GRK3: variants seen among roughly 807,000 people sequenced by gnomAD.
GRK3 encodes G protein-coupled receptor kinase 3, also known as adrenergic, beta, receptor kinase 2.
GRK3 carries 54 observed loss-of-function variants against 95.7 expected under a neutral mutation model. The ratio of observed to expected loss-of-function variants is 0.56; its 90% CI spans 0.45 to 0.71. The LOEUF is 0.71. GRK3 is among the 30% of genes least tolerant of loss of function. The probability of loss-of-function intolerance (pLI) is 0.00; values close to 1 mark genes in which losing one functional copy is unlikely to be tolerated. For synonymous variants in GRK3, 281 were observed against 290.8 expected (o/e 0.97, Z 0.34); for missense variants, 649 against 851.2 (o/e 0.76, Z 2.96).
At chr22:25,652,636 C>T (rs1402793140) in intron 3 of GRK3, among the ~76,000 whole-genome samples, 2 of 151,984 alleles carry the variant, frequency 1.3e-5, no homozygotes, top group African/African-American at 2.4e-5. Flanking sequence ...GGATTGTAAT[C>T]AGTCAGGGAT....
At chr22:25,704,261 G>C in intron 15 of GRK3, 52 bp downstream of exon 15, 4 of 1,344,368 alleles carry the variant, frequency 3.0e-6, no homozygotes, top group Non-Finnish European at 4.2e-6. Flanking sequence ...GCAAAATAGT[G>C]ATTTTAAATA....
chr22:25,721,356 T>C lies in GRK3; in HGVS notation c.1864T>C (p.Phe622Leu). The C allele has an allele frequency of 1.2e-6, 2 of 1,605,998 alleles. No homozygotes were observed. The highest frequency in any genetic ancestry group is 8.5e-7 in the Non-Finnish European group (1 of 1,175,200). The change falls in exon 20 of 21, where the codon TTC (phenylalanine) becomes CTC (leucine). Residue 622 changes from phenylalanine (F) to leucine (L), a missense_variant. Coordinates refer to ENST00000324198, the MANE Select transcript of GRK3 (RefSeq NM_005160.4). The stretch of plus-strand genomic sequence containing the variant: ...AATTAAAGACAAAAAATGCATTTTG[T>C]TCAGAATAAAAGGAGGGAAACAATT... ...TQIKDKKCIL[F>L]RIKGGKQFVL...
chr22:25,609,465 G>A (rs1018790132), intron 2 of GRK3, among the ~76,000 whole-genome samples: 2 of 151,952 alleles, frequency 1.3e-5, no homozygotes, highest in Non-Finnish European at 2.9e-5. Flanking sequence ...CCAAGTAGCT[G>A]GGATTACAGT....
intron 1 of GRK3, among the ~76,000 whole-genome samples, chr22:25,582,495 A>G (rs2146319965): frequency 6.6e-6 from 1 of 152,356 alleles, no homozygotes; most frequent in East Asian, 1.9e-4. Context: ...AATTCAAATG[A>G]GAATCATTCC....
At chr22:25,716,055 C>T (rs2085381938) in intron 18 of GRK3, among the ~76,000 whole-genome samples, 1 of 152,110 alleles carries the variant, frequency 6.6e-6, no homozygotes, top group Non-Finnish European at 1.5e-5. Context: ...GGCGCGATCT[C>T]GGCTCACTGC....
At chr22:25,647,704 G>A (rs2084795753) in intron 3 of GRK3, 1 of 1,345,024 alleles carries the variant, frequency 7.4e-7, no homozygotes, top group African/African-American at 1.4e-5. Context: ...CAGTTATGTA[G>A]CGCCTGCAGA....
At chr22:25,582,100 A>G (rs1429312613) in intron 1 of GRK3, among the ~76,000 whole-genome samples, 2 of 152,144 alleles carry the variant, frequency 1.3e-5, no homozygotes, top group African/African-American at 4.8e-5. Flanking sequence ...GACATGGTGA[A>G]TCCTCGTCGC....
chr22:25,570,791 C>T (rs1316307534), intron 1 of GRK3, among the ~76,000 whole-genome samples: 2 of 152,146 alleles, frequency 1.3e-5, no homozygotes, highest in Non-Finnish European at 2.9e-5. Context: ...TTAGAAGTTA[C>T]AACCCCTGGG....
intron 2 of GRK3, among the ~76,000 whole-genome samples, chr22:25,624,896 A>C (rs531307971): frequency 1.3e-5 from 2 of 151,696 alleles, no homozygotes; most frequent in Non-Finnish European, 2.9e-5. Context: ...TAATATAAAG[A>C]GTGTATATTA....
chr22:25,709,671 T>C (rs745758025), intron 15 of GRK3, among the ~76,000 whole-genome samples: 5 of 152,162 alleles, frequency 3.3e-5, no homozygotes, highest in Admixed American at 6.5e-5. Flanking sequence ...GTAATAACTA[T>C]CCCAAATAAA....
chr22:25,640,464 T>TTCC (rs931059589), intron 2 of GRK3, among the ~76,000 whole-genome samples: 22 of 152,234 alleles, frequency 1.4e-4, no homozygotes, highest in African/African-American at 5.3e-4. Context: ...ACAGTGGCTC[T>TTCC]TAGTAGATAC....
At chr22:25,620,059 G>GT (rs2084572342) in intron 2 of GRK3, among the ~76,000 whole-genome samples, 2 of 91,212 alleles carry the variant, frequency 2.2e-5, no homozygotes, top group African/African-American at 3.5e-5. Context: ...TGTGTGTGTG[G>GT]TTTTAAGGAG....
chr22:25,721,393 G>A lies in GRK3; in HGVS notation c.1901G>A (p.Cys634Tyr), dbSNP rs2085431336. 1 of 1,538,172 alleles carries A rather than the reference G, an allele frequency of 6.5e-7. No homozygotes were observed. The highest frequency in any genetic ancestry group is 1.4e-5 in the African/African-American group (1 of 72,744). The change falls in exon 20 of 21, where the codon TGT becomes TAT. Residue 634 changes from cysteine (C) to tyrosine (Y), a missense_variant. By Grantham distance (194) the Cys-to-Tyr change is radical. This residue lies in a region of GRK3 where 382 missense variants were observed against 493.8 expected (regional missense o/e 0.77). Coordinates refer to ENST00000324198, the MANE Select transcript of GRK3 (RefSeq NM_005160.4). ...GGAGGGAAACAATTTGTCTTGCAAT[G>A]TGAGGTGAGTTTTTATTTTTTCTTA... ...IKGGKQFVLQ[C>Y]ESDPEFVQWK... is the part of the protein sequence containing the mutation.
chr22:25,610,222 G>C (rs2084486369), intron 2 of GRK3, among the ~76,000 whole-genome samples: 1 of 152,090 alleles, frequency 6.6e-6, no homozygotes, highest in African/African-American at 2.4e-5. Flanking sequence ...CAACACTTTG[G>C]AAGTCTGAGG....
At chr22:25,677,175 A>G (rs372266073) in intron 8 of GRK3, among the ~76,000 whole-genome samples, 43 of 152,260 alleles carry the variant, frequency 2.8e-4, no homozygotes, top group African/African-American at 9.4e-4. Flanking sequence ...AGCCTGGACA[A>G]CATAATGAGA....
chr22:25,634,362 TGTAAG>T (rs1700113769), intron 2 of GRK3, among the ~76,000 whole-genome samples: 1 of 152,298 alleles, frequency 6.6e-6, no homozygotes, highest in African/African-American at 2.4e-5. Flanking sequence ...GATGATAAGA[TGTAAG>T]GTAGTTGTTT....
chr22:25,571,003 A>G (rs531305746), intron 1 of GRK3, among the ~76,000 whole-genome samples: 1 of 152,228 alleles, frequency 6.6e-6, no homozygotes, highest in East Asian at 1.9e-4. Flanking sequence ...TTTTTGCGAC[A>G]TATTTTGTAA....
chr22:25,633,935 A>G (rs952443295), intron 2 of GRK3, among the ~76,000 whole-genome samples: 13 of 152,254 alleles, frequency 8.5e-5, no homozygotes, highest in Non-Finnish European at 1.9e-4. Flanking sequence ...GGATAATTTA[A>G]TTTTTATTTC....
intron 1 of GRK3, among the ~76,000 whole-genome samples, chr22:25,566,897 GT>G (rs574353303): frequency 2.9e-4 from 42 of 143,322 alleles, no homozygotes; most frequent in African/African-American, 5.0e-4. Flanking sequence ...CTCATGGGCA[GT>G]TTTTTTTTTG....
Sources: gnomAD v4.1 joint callset for allele counts (sites outside exome capture counted in the v4.1 genomes callset) on GRCh38, gnomAD v4.1.1 for gene constraint, gnomAD v4.1.1 regional missense constraint, MANE v1.5 for transcripts, NCBI Gene and HGNC (gene_info 2026-07-23, HGNC 2026-07-21) for gene names.